AMPD2: variants seen among roughly 807,000 people sequenced by gnomAD.
AMPD2 encodes AMP deaminase 2.
A neutral mutation model predicts 91.3 loss-of-function variants in AMPD2; 52 were observed. That is an observed-to-expected ratio of 0.57 (90% CI 0.46 to 0.72). The LOEUF (loss-of-function observed/expected upper bound fraction) is 0.72. Among genes scored for constraint, AMPD2 ranks in the 30% least tolerant of loss-of-function variants. The pLI, the probability that AMPD2 is intolerant of heterozygous loss-of-function variation, is 0.00. For missense variants in AMPD2, 822 were observed against 1,122.3 expected (o/e 0.73, Z 3.82); for synonymous variants, 455 against 456.4 (o/e 1.00, Z 0.04).
chr1:109,630,278 G>T lies in AMPD2; in HGVS notation c.2029G>T (p.Ala677Ser), dbSNP rs768143823. Reference protein sequence around the residue: ...YLYYLAQIGIAMSPLSNNSLF... With the variant: ...YLYYLAQIGISMSPLSNNSLF... ...GTACTACCTGGCCCAGATCGGCATC[G>T]CCATGTCTCCGCTCAGCAACAACAG... The change falls in exon 17 of 19, where the codon GCC becomes TCC. Residue 677 changes from alanine (A) to serine (S), a missense_variant. Transcript: ENST00000528667. The T allele has an allele frequency of 2.5e-6, 4 of 1,613,742 alleles. No homozygotes were observed. Among genetic ancestry groups the T allele is most frequent in the South Asian group, 1.1e-5 (1 of 91,068 alleles).
At position 109,625,541 on chromosome 1, in the gene AMPD2, C is replaced by G; in HGVS notation, c.222+108C>G. ...CCCTCACCTCACGCTTGGCTGTCTC[C>G]TGATCCTCAGCCTCTCCCAGGTACC... is the stretch of plus-strand genomic sequence containing the variant. On this transcript the variant is annotated intron_variant, in intron 3 of 18. Coordinates refer to ENST00000528667, the MANE Select transcript of AMPD2 (RefSeq NM_001368809.2). This position sits in a 1 kb window ranked among gnomAD's most constrained non-coding sequence, Gnocchi z 4.0. 1 of 1,595,742 alleles carries G rather than the reference C, an allele frequency of 6.3e-7. No homozygotes were observed. The highest frequency in any genetic ancestry group is 1.3e-5 in the African/African-American group (1 of 74,880).
At chr1:109,627,642 C>A (rs1462698004) in intron 9 of AMPD2, 124 bp downstream of exon 9, 3 of 1,518,316 alleles carry the variant, frequency 2.0e-6, no homozygotes, top group Non-Finnish European at 1.8e-6. Context: ...CCTCGACTTC[C>A]CCGCAGTCTA....
intron 13 of AMPD2, 107 bp from the exon 14 acceptor site, chr1:109,629,002 C>T: frequency 6.6e-7 from 1 of 1,506,394 alleles, no homozygotes. Context: ...CAATATGGTT[C>T]AGATGCGCCC....
Position 109,627,115 on chromosome 1 carries a change from G to A in AMPD2, c.719-60G>A. 4 of 1,606,878 alleles carry A rather than the reference G, an allele frequency of 2.5e-6. No homozygotes were observed. The South Asian group carries it at 3.3e-5, about 13-fold the overall frequency. On this transcript the variant is annotated intron_variant, in intron 7 of 18. Transcript: ENST00000528667. ...CTCTTGCCCTCTGTGGGGCCTTTGG[G>A]TTGGGCAGTGGGTGGCTTGGAAGAG... is the stretch of plus-strand genomic sequence containing the variant.
chr1:109,623,084 C>T (rs923964248), intron 2 of AMPD2, among the ~76,000 whole-genome samples: 8 of 152,330 alleles, frequency 5.3e-5, no homozygotes, highest in Non-Finnish European at 1.0e-4. Context: ...CCCAGGGAAC[C>T]TCCCACTGTC....
chr1:109,629,148 G>A lies in AMPD2; in HGVS notation c.1611G>A (p.Gln537=), dbSNP rs924065823. 3 of 1,614,050 alleles carry A rather than the reference G, an allele frequency of 1.9e-6. No homozygotes were observed. The highest frequency in any genetic ancestry group is 8.5e-7 in the Non-Finnish European group (1 of 1,179,996). The change falls in exon 14 of 19, where the codon CAG becomes CAA. Residue 537 remains glutamine, a synonymous_variant. Transcript: ENST00000528667. Reference sequence around the variant, plus strand: ...CCAAGGGCCAGCTGGCCAACTTCCAGGAGATGCTGGAGAACATCTTCCTGC... The same window carrying A: ...CCAAGGGCCAGCTGGCCAACTTCCAAGAGATGCTGGAGAACATCTTCCTGC... ...YRTKGQLANF[Q]EMLENIFLPL...
Position 109,628,834 on chromosome 1 carries a change from C to G in AMPD2, c.1571+28C>G. On this transcript the variant is annotated intron_variant, in intron 13 of 18. Coordinates refer to ENST00000528667, the MANE Select transcript of AMPD2 (RefSeq NM_001368809.2). This position sits in a 1 kb window ranked among gnomAD's most constrained non-coding sequence, Gnocchi z 7.1. ...GAGTGTCCCTGGAGTGGGAGGGGAA[C>G]CTGCGGGGTCATATTCAAGGGGTCA... 1.3e-6 allele frequency: 2 copies of G among 1,543,872 alleles called. No individual in the cohort carries two copies. Among genetic ancestry groups the G allele is most frequent in the South Asian group, 1.2e-5 (1 of 84,188 alleles).
At position 109,625,564 on chromosome 1, in the gene AMPD2, A is replaced by C. The variant is rs1570583527; in HGVS notation, c.223-98A>C. The C allele has an allele frequency of 3.1e-6, 5 of 1,594,318 alleles. No individual in the cohort carries two copies. The highest frequency in any genetic ancestry group is 3.4e-5 in the Admixed American group (2 of 59,382). ...TCCTGATCCTCAGCCTCTCCCAGGTACCCCTGGTCCTGCTGCCCTCACCCC... is the reference window on the plus strand; with the variant it reads ...TCCTGATCCTCAGCCTCTCCCAGGTCCCCCTGGTCCTGCTGCCCTCACCCC... On this transcript the variant is annotated intron_variant, in intron 3 of 18. Transcript: ENST00000528667. The surrounding 1 kb of genome is among the most constrained non-coding windows in gnomAD (Gnocchi z 4.0).
rs1370260788 is a variant in AMPD2 at position 109,629,096 on chromosome 1, G to T, written c.1572-13G>T. ...CCTGACTTGCACATACCTGCATGTTGTCTCACCTGCAGTGATGTGTACCGT... is the reference window on the plus strand; with the variant it reads ...CCTGACTTGCACATACCTGCATGTTTTCTCACCTGCAGTGATGTGTACCGT... On this transcript the variant is annotated splice_polypyrimidine_tract_variant and intron_variant, in intron 13 of 18. Coordinates refer to ENST00000528667, the MANE Select transcript of AMPD2 (RefSeq NM_001368809.2). The T allele has an allele frequency of 4.3e-6, 7 of 1,613,048 alleles. No individual in the cohort carries two copies. The highest frequency in any genetic ancestry group is 1.7e-4 in the Middle Eastern group (1 of 6,042).
At chr1:109,626,091 G>A (rs930354267) in intron 4 of AMPD2, 69 bp from the exon 5 acceptor site, 12 of 1,526,208 alleles carry the variant, frequency 7.9e-6, no homozygotes, top group South Asian at 5.6e-5. Context: ...CACCTAGTGC[G>A]GTGCTGGGAC....
In AMPD2 at chr1:109,626,310, C is replaced by T; in HGVS notation, c.423-9C>T. 1.9e-6 allele frequency: 3 copies of T among 1,613,560 alleles called. No homozygotes were observed. The highest frequency in any genetic ancestry group is 2.5e-6 in the Non-Finnish European group (3 of 1,179,654). Reference sequence around the variant, plus strand: ...CTCTAAACCCCTCCCTTGAATGCACCCCCTGCAGGCTCTACAAGGAACAGG... The same window carrying T: ...CTCTAAACCCCTCCCTTGAATGCACTCCCTGCAGGCTCTACAAGGAACAGG... On this transcript the variant is annotated splice_polypyrimidine_tract_variant and intron_variant, in intron 5 of 18. Transcript: ENST00000528667.
intron 13 of AMPD2, 93 bp from the exon 14 acceptor site, chr1:109,629,016 C>T (rs576067641): frequency 9.1e-5 from 141 of 1,545,588 alleles, no homozygotes; most frequent in Middle Eastern, 4.1e-4. Context: ...TGCGCCCCTG[C>T]GCTCTTGGGC....
rs748214358 is a variant in AMPD2 at position 109,626,710 on chromosome 1, A to T, written c.532-16A>T. 3 of 1,608,596 alleles carry T rather than the reference A, an allele frequency of 1.9e-6. No homozygotes were observed. The South Asian group carries it at 3.3e-5, about 18-fold the overall frequency. ...GTCCAAGACTGAGGAGAGTGATCGC[A>T]TATCCTCATCTCCAGGTGCCGTTCA... On this transcript the variant is annotated splice_polypyrimidine_tract_variant and intron_variant, in intron 6 of 18. Transcript: ENST00000528667.
Position 109,626,245 on chromosome 1 carries a change from G to A in AMPD2, c.422+17G>A, listed in dbSNP as rs1326981381. On this transcript the variant is annotated intron_variant, in intron 5 of 18. Transcript: ENST00000528667. The stretch of plus-strand genomic sequence containing the variant: ...GGACCTACAGTGAGGAGGGCAGAGG[G>A]GCACAGGGGATGCGGAGCTGCAGCC... 1.2e-6 allele frequency: 2 copies of A among 1,613,938 alleles called. No homozygotes were observed. The highest frequency in any genetic ancestry group is 2.2e-5 in the East Asian group (1 of 44,886).
At chr1:109,627,665 C>T (rs1650823655) in intron 9 of AMPD2, 109 bp from the exon 10 acceptor site, 1 of 1,536,846 alleles carries the variant, frequency 6.5e-7, no homozygotes, top group Non-Finnish European at 8.9e-7. Context: ...TCCCTCTTGG[C>T]AGCCTCCATC....
At position 109,631,278 on chromosome 1, in the gene AMPD2, C is replaced by G; in HGVS notation, c.*126C>G. The G allele has an allele frequency of 1.0e-6, 1 of 987,302 alleles. No homozygotes were observed. 61.2% of individuals were successfully genotyped at this position (987,302 alleles called of 1,614,324 possible). Reference sequence around the variant, plus strand: ...CTGTCTCTGTCTTGCATGTCTCCTACCATGTCACTGTCCCTGGGCCACCCA... The same window carrying G: ...CTGTCTCTGTCTTGCATGTCTCCTAGCATGTCACTGTCCCTGGGCCACCCA... On this transcript the variant is annotated 3_prime_UTR_variant, in exon 19 of 19. Coordinates refer to ENST00000528667, the MANE Select transcript of AMPD2 (RefSeq NM_001368809.2).
rs1651173775 is a variant in AMPD2 at position 109,630,774 on chromosome 1, T to C, written c.2249T>C (p.Met750Thr). 2 of 1,610,268 alleles carry C rather than the reference T, an allele frequency of 1.2e-6. No individual in the cohort carries two copies. Among genetic ancestry groups the C allele is most frequent in the Non-Finnish European group, 1.7e-6 (2 of 1,178,576 alleles). ...MCELARNSVL[M>T]SGFSHKVKSH... ...GAGCTGGCCCGCAACAGCGTGCTCA[T>C]GAGCGGCTTCTCGCACAAGGTACTA... Residue 750 changes from methionine to threonine, a missense_variant, in exon 18 of 19, where the codon ATG (methionine) becomes ACG (threonine). Physicochemically the swap from Met to Thr is moderately conservative, Grantham distance 81 (BLOSUM62 -1). Coordinates refer to ENST00000528667, the MANE Select transcript of AMPD2 (RefSeq NM_001368809.2).
chr1:109,628,354 T>C lies in AMPD2; in HGVS notation c.1276-10T>C. 2 of 1,614,028 alleles carry C rather than the reference T, an allele frequency of 1.2e-6. No homozygotes were observed. The highest frequency in any genetic ancestry group is 8.5e-7 in the Non-Finnish European group (1 of 1,179,976). ...GTCACGGGTGACCTGAGCCTTCCCA[T>C]GTCCCCCAGGACAGGAACACTTTCC... On this transcript the variant is annotated splice_polypyrimidine_tract_variant and intron_variant, in intron 11 of 18. Coordinates refer to ENST00000528667, the MANE Select transcript of AMPD2 (RefSeq NM_001368809.2). This position sits in a 1 kb window ranked among gnomAD's most constrained non-coding sequence, Gnocchi z 7.1.
In AMPD2 at chr1:109,626,445, G is replaced by T; in HGVS notation, c.531+18G>T. 6.3e-7 allele frequency: 1 copy of T among 1,587,910 alleles called. No individual in the cohort carries two copies. Among genetic ancestry groups the T allele is most frequent in the Non-Finnish European group, 8.6e-7 (1 of 1,168,644 alleles). Reference sequence around the variant, plus strand: ...AGTGTGGGGTAAGTATGGGGTGTATGTTGGGTGAGTCGCCATCACCTATGT... The same window carrying T: ...AGTGTGGGGTAAGTATGGGGTGTATTTTGGGTGAGTCGCCATCACCTATGT... On this transcript the variant is annotated intron_variant, in intron 6 of 18. Coordinates refer to ENST00000528667, the MANE Select transcript of AMPD2 (RefSeq NM_001368809.2).
Sources: allele counts gnomAD v4.1 joint callset (sites outside exome capture counted in the v4.1 genomes callset), GRCh38; gene constraint gnomAD v4.1.1; non-coding constraint Gnocchi (gnomAD v3.1); transcripts MANE v1.5; gene names NCBI Gene and HGNC (gene_info 2026-07-23, HGNC 2026-07-21).